Variants in BABAM2 observed in about 807,000 individuals in gnomAD.
BABAM2 encodes the protein BRISC and BRCA1-A complex member 2.
BABAM2 carries 31 observed loss-of-function variants against 54.7 expected under a neutral mutation model. The ratio of observed to expected loss-of-function variants is 0.57; its 90% confidence interval spans 0.43 to 0.77. BABAM2 has a LOEUF of 0.77. Ranked by LOEUF, BABAM2 falls within the 30% of genes least tolerant of loss-of-function variation. The probability of loss-of-function intolerance (pLI) is 0.00; values close to 1 mark genes in which losing one functional copy is unlikely to be tolerated. For missense variants in BABAM2, 364 were observed against 455.8 expected (o/e 0.80, Z 1.83); for synonymous variants, 167 against 162.9 (o/e 1.03, Z -0.19).
intron 6 of BABAM2, among the ~76,000 whole-genome samples, chr2:28,105,829 G>C (rs1667475398): frequency 6.6e-6 from 1 of 151,974 alleles, no homozygotes; most frequent in Non-Finnish European, 1.5e-5. Context: ...GGGAAAAATA[G>C]TTATATTTGG....
At chr2:28,136,981 A>G (rs1670601798) in intron 7 of BABAM2, among the ~76,000 whole-genome samples, 2 of 152,192 alleles carry the variant, frequency 1.3e-5, no homozygotes, top group African/African-American at 4.8e-5. Context: ...GGTATATGTG[A>G]TTTTATTTAC....
intron 7 of BABAM2, among the ~76,000 whole-genome samples, chr2:28,180,234 A>C (rs2147879404): frequency 6.6e-6 from 1 of 152,300 alleles, no homozygotes; most frequent in African/African-American, 2.4e-5. Context: ...AGACTATGGT[A>C]ATCAAAACAG....
intron 8 of BABAM2, among the ~76,000 whole-genome samples, chr2:28,239,274 C>A (rs1682194002): frequency 6.6e-6 from 1 of 152,234 alleles, no homozygotes; most frequent in African/African-American, 2.4e-5. Flanking sequence ...AAGGGTTCAA[C>A]ATGGCTATCA....
chr2:28,223,657 G>A (rs564954045), intron 7 of BABAM2, among the ~76,000 whole-genome samples: 5 of 152,296 alleles, frequency 3.3e-5, no homozygotes, highest in Non-Finnish European at 5.9e-5. Context: ...GCTCTTCAAG[G>A]TAGAACTGGG....
At chr2:28,008,728 C>G (rs1440820891) in intron 4 of BABAM2, among the ~76,000 whole-genome samples, 1 of 152,050 alleles carries the variant, frequency 6.6e-6, no homozygotes, top group Non-Finnish European at 1.5e-5. Flanking sequence ...CCCCAGGGCA[C>G]CAGTGACATT....
At chr2:28,158,410 A>G (rs1672753201) in intron 7 of BABAM2, among the ~76,000 whole-genome samples, 1 of 152,248 alleles carries the variant, frequency 6.6e-6, no homozygotes, top group African/African-American at 2.4e-5. Context: ...GAAAGTTAAA[A>G]AGTACTGAAA....
chr2:28,018,551 T>A (rs745971401), intron 4 of BABAM2, among the ~76,000 whole-genome samples: 6 of 152,242 alleles, frequency 3.9e-5, no homozygotes, highest in Non-Finnish European at 8.8e-5. Context: ...AAAAGGTAGA[T>A]CTACTTTCAG....
At chr2:28,265,167 T>C (rs2148144712) in intron 10 of BABAM2, among the ~76,000 whole-genome samples, 1 of 152,298 alleles carries the variant, frequency 6.6e-6, no homozygotes, top group Admixed American at 6.5e-5. Flanking sequence ...CCGGGCGCGG[T>C]GGCTCATGTC....
chr2:28,317,130 T>C (rs1279240681), intron 11 of BABAM2, among the ~76,000 whole-genome samples: 1 of 152,168 alleles, frequency 6.6e-6, no homozygotes. Context: ...GCAGGACCAC[T>C]GCTGCTAGGA....
chr2:28,288,329 C>CTT (rs370784439), intron 10 of BABAM2, among the ~76,000 whole-genome samples: 11 of 134,234 alleles, frequency 8.2e-5, no homozygotes, highest in East Asian at 2.2e-4. Flanking sequence ...CTTTTCTTTT[C>CTT]TTTTTTTTTT....
chr2:28,223,916 G>T (rs1057031684), intron 7 of BABAM2, among the ~76,000 whole-genome samples: 1 of 152,130 alleles, frequency 6.6e-6, no homozygotes, highest in Admixed American at 6.5e-5. Flanking sequence ...TGGGAGAAAA[G>T]GTATGTCTCC....
chr2:28,262,800 C>G (rs1212493083), intron 10 of BABAM2, among the ~76,000 whole-genome samples: 1 of 152,168 alleles, frequency 6.6e-6, no homozygotes, highest in Non-Finnish European at 1.5e-5. Flanking sequence ...AACCTGCAAA[C>G]TGCTGGTTGT....
intron 6 of BABAM2, among the ~76,000 whole-genome samples, chr2:28,070,051 A>G (rs1357859788): frequency 6.6e-6 from 1 of 152,198 alleles, no homozygotes; most frequent in African/African-American, 2.4e-5. Context: ...TTCATTCTTA[A>G]AGTAACAGGA....
chr2:28,220,786 A>T (rs921352292), intron 7 of BABAM2, among the ~76,000 whole-genome samples: 2 of 152,112 alleles, frequency 1.3e-5, no homozygotes, highest in Admixed American at 1.3e-4. Flanking sequence ...AAAATTAGCC[A>T]GGTGTGATGC....
intron 11 of BABAM2, chr2:28,308,802 TAA>T: frequency 6.0e-6 from 1 of 165,576 alleles, no homozygotes; most frequent in Non-Finnish European, 1.3e-5. Context: ...TAGCTGGGTT[TAA>T]ACCTGTCTCT....
At chr2:28,171,887 C>G (rs1674360417) in intron 7 of BABAM2, among the ~76,000 whole-genome samples, 3 of 152,086 alleles carry the variant, frequency 2.0e-5, no homozygotes, top group Admixed American at 6.6e-5. Flanking sequence ...CATTTTCTTC[C>G]CCTCAGCTTA....
chr2:28,190,790 C>T (rs776431780), intron 7 of BABAM2, among the ~76,000 whole-genome samples: 16 of 152,152 alleles, frequency 1.1e-4, no homozygotes, highest in Non-Finnish European at 2.2e-4. Context: ...ATACCATCAC[C>T]TGAGGGTTAG....
intron 2 of BABAM2, among the ~76,000 whole-genome samples, chr2:27,924,707 A>G (rs918609597): frequency 3.9e-5 from 6 of 152,292 alleles, no homozygotes; most frequent in African/African-American, 1.2e-4. Flanking sequence ...TTTGATTAAC[A>G]GAAAAACGAG....
At chr2:28,330,369 A>G (rs1459786415) in intron 11 of BABAM2, among the ~76,000 whole-genome samples, 1 of 152,210 alleles carries the variant, frequency 6.6e-6, no homozygotes, top group Non-Finnish European at 1.5e-5. Context: ...AGGGTATTCA[A>G]TAGGAAGAGA....
Sources: allele counts gnomAD v4.1 joint callset (sites outside exome capture counted in the v4.1 genomes callset), GRCh38; gene constraint gnomAD v4.1.1; transcripts MANE v1.5; gene names NCBI Gene and HGNC (gene_info 2026-07-23, HGNC 2026-07-21).